The following STX1B variants were observed in gnomAD, a reference collection of about 807,000 sequenced individuals.
The protein encoded by STX1B is syntaxin-1B.
In STX1B, 7 loss-of-function variants were observed where a neutral mutation model predicts 39.4. The observed-to-expected ratio is 0.18, with a 90% confidence interval of 0.10 to 0.33. STX1B has a LOEUF of 0.33. Among genes scored for constraint, STX1B ranks in the 10% least tolerant of loss-of-function variants. STX1B has a pLI of 1.00. For synonymous variants in STX1B, 136 were observed against 144.1 expected (o/e 0.94, Z 0.40); for missense variants, 198 against 383.2 (o/e 0.52, Z 4.04).
chr16:31,005,797 G>A (rs1201114515), intron 1 of STX1B, among the ~76,000 whole-genome samples: 2 of 152,190 alleles, frequency 1.3e-5, no homozygotes, highest in African/African-American at 2.4e-5. Context: ...GGGATTGAAT[G>A]AGAGAGTGCA....
intron 1 of STX1B, among the ~76,000 whole-genome samples, chr16:31,007,592 G>A (rs768951222): frequency 5.3e-5 from 8 of 152,186 alleles, no homozygotes; most frequent in Non-Finnish European, 8.8e-5. Context: ...TAAACTGGAC[G>A]CAGAAAACCC....
rs1388329705 is a variant in STX1B, at chr16:31,001,685, C to G, written c.31-82G>C. 30 of 1,091,462 alleles carry G rather than the reference C, an allele frequency of 2.7e-5. No homozygotes were observed. Among genetic ancestry groups the G allele is most frequent in the Non-Finnish European group, 1.4e-6 (1 of 736,058 alleles). 67.6% of individuals were successfully genotyped at this position (1,091,462 alleles called of 1,614,324 possible). A position where few individuals can be genotyped will look rare whatever the true frequency, so the allele number is the denominator to read the frequency against. ...GCTCTCCAGCTCTCCCACCCTCTCC[C>G]TGCTATGCACACACAGGTGCTCCCA... On this transcript the variant is annotated intron_variant, in intron 1 of 9. Transcript: ENST00000215095. This position sits in a 1 kb window ranked among gnomAD's most constrained non-coding sequence, Gnocchi z 5.5.
Position 31,001,740 on chromosome 16 carries a change from G to C in STX1B, c.31-137C>G. On this transcript the variant is annotated intron_variant, in intron 1 of 9. Coordinates refer to ENST00000215095, the MANE Select transcript of STX1B (RefSeq NM_052874.5). The surrounding 1 kb of genome is among the most constrained non-coding windows in gnomAD (Gnocchi z 5.5). ...TAGGCTCAGAGGAGGGGTCCTGGGAGGGGTCCCATGCAGGGTAGATGGCAA... is the reference window on the plus strand; with the variant it reads ...TAGGCTCAGAGGAGGGGTCCTGGGACGGGTCCCATGCAGGGTAGATGGCAA... 1 of 646,340 alleles carries C rather than the reference G, an allele frequency of 1.5e-6. No individual in the cohort carries two copies. The highest frequency in any genetic ancestry group is 2.7e-6 in the Non-Finnish European group (1 of 377,118). 40.0% of individuals were successfully genotyped at this position (646,340 alleles called of 1,614,324 possible). A position where few individuals can be genotyped will look rare whatever the true frequency, so the allele number is the denominator to read the frequency against.
intron 4 of STX1B, among the ~76,000 whole-genome samples, chr16:31,000,332 G>GTTTTTTTTTT (rs55729102): frequency 2.4e-5 from 3 of 123,384 alleles, no homozygotes; most frequent in African/African-American, 3.0e-5. Flanking sequence ...TTTGTTTTTT[G>GTTTTTTTTTT]TTTTTTTTTT....
chr16:31,001,113 G>A lies in STX1B; in HGVS notation c.186C>T (p.Ala62=), dbSNP rs749799050. 17 of 1,613,940 alleles carry A rather than the reference G, an allele frequency of 1.1e-5. No homozygotes were observed. The highest frequency in any genetic ancestry group is 3.3e-5 in the South Asian group (3 of 91,072). ...ACTCACTCTCATCTGGGTTGGGTGC[G>A]GCCAGGATGGCGCTATGCTGTTTTT... ...QVKKQHSAIL[A]APNPDEKTKQ... The change falls in exon 3 of 10, where the codon GCC becomes GCT. Residue 62 remains alanine (A), a synonymous_variant. Transcript: ENST00000215095. This position sits in a 1 kb window ranked among gnomAD's most constrained non-coding sequence, Gnocchi z 5.5.
chr16:31,001,711 G>T lies in STX1B; in HGVS notation c.31-108C>A. ...TGCTATGCACACACAGGTGCTCCCA[G>T]CTCTAGGCTCAGAGGAGGGGTCCTG... is the stretch of plus-strand genomic sequence containing the variant. On this transcript the variant is annotated intron_variant, in intron 1 of 9. Transcript: ENST00000215095. The surrounding 1 kb of genome is among the most constrained non-coding windows in gnomAD (Gnocchi z 5.5). 1 of 825,950 alleles carries T rather than the reference G, an allele frequency of 1.2e-6. No homozygotes were observed. Among genetic ancestry groups the T allele is most frequent in the Non-Finnish European group, 1.9e-6 (1 of 524,336 alleles). The allele number at this position is 825,950 out of a possible 1,614,324, so 51.2% of individuals were successfully genotyped here.
intron 1 of STX1B, among the ~76,000 whole-genome samples, chr16:31,002,224 A>C (rs548242278): frequency 1.4e-5 from 2 of 146,382 alleles, no homozygotes; most frequent in Non-Finnish European, 3.0e-5. Context: ...CTCGCAGTGG[A>C]TTCACTTGCT....
intron 7 of STX1B, chr16:30,996,469 T>C (rs2056592455): frequency 1.9e-6 from 1 of 535,610 alleles, no homozygotes; most frequent in Non-Finnish European, 3.3e-6. Context: ...AATGTGAAGA[T>C]GGAAAGTGCT....
rs552249127 is a variant in STX1B at position 30,994,832 on chromosome 16, T to C, written c.538-1348A>G. 5.3e-5 allele frequency among the ~76,000 whole-genome samples: 8 copies of C among 150,716 alleles called. 1 individual carries two copies. In the South Asian group the frequency reaches 1.7e-3, roughly 32 times the overall value. On this transcript the variant is annotated intron_variant, in intron 7 of 9. Coordinates refer to ENST00000215095, the MANE Select transcript of STX1B (RefSeq NM_052874.5). ...CTCCCCTCATCTCCTGCTCATCCTA[T>C]GACCATTCTATAAGCCGAAATCATA...
intron 5 of STX1B, 104 bp from the exon 6 acceptor site, chr16:30,997,163 G>T: frequency 1.3e-6 from 1 of 743,224 alleles, no homozygotes; most frequent in South Asian, 1.5e-5. Context: ...GTGCATGGGC[G>T]GAATAAGGAG....
At chr16:31,009,358 C>T (rs1465070586) in intron 1 of STX1B, among the ~76,000 whole-genome samples, 1 of 152,072 alleles carries the variant, frequency 6.6e-6, no homozygotes, top group African/African-American at 2.4e-5. Flanking sequence ...GTAATAACCC[C>T]TGGGGTAACA....
chr16:31,009,882 A>G (rs189291300), intron 1 of STX1B, among the ~76,000 whole-genome samples: 23 of 151,612 alleles, frequency 1.5e-4, no homozygotes, highest in Middle Eastern at 3.4e-3. Context: ...ACGCGTGTGC[A>G]CACACACACA....
intron 1 of STX1B, among the ~76,000 whole-genome samples, chr16:31,004,452 T>C (rs1314624973): frequency 6.6e-6 from 1 of 152,098 alleles, no homozygotes; most frequent in Non-Finnish European, 1.5e-5. Flanking sequence ...GGTGGGAGGA[T>C]CACTTGAACC....
Position 31,001,606 on chromosome 16 carries a change from G to A in STX1B, c.31-3C>T, listed in dbSNP as rs1439290621. The A allele has an allele frequency of 6.2e-7, 1 of 1,612,468 alleles. No homozygotes were observed. The highest frequency in any genetic ancestry group is 1.3e-5 in the African/African-American group (1 of 75,026). On this transcript the variant is annotated splice_polypyrimidine_tract_variant and splice_region_variant and intron_variant, in intron 1 of 9. Coordinates refer to ENST00000215095, the MANE Select transcript of STX1B (RefSeq NM_052874.5). This position sits in a 1 kb window ranked among gnomAD's most constrained non-coding sequence, Gnocchi z 5.5. The stretch of plus-strand genomic sequence containing the variant: ...TCTTCATCATCACTGTCTTTCGCCT[G>A]GGGACAAGGAAGGCTGAGTCCATGA...
intron 1 of STX1B, 23 bp downstream of exon 1, chr16:31,010,344 A>G (rs1465644513): frequency 4.5e-6 from 1 of 224,708 alleles, no homozygotes; most frequent in East Asian, 1.0e-4. Context: ...CCGCCCCCCC[A>G]TTCTCCCCAC....
Position 31,000,158 on chromosome 16 carries a change from C to T in STX1B, c.280+770G>A, listed in dbSNP as rs142106648. Among the ~76,000 whole-genome samples, 521 of 151,382 alleles carry T rather than the reference C, an allele frequency of 3.4e-3. 14 individuals carry two copies. The East Asian group carries it at 0.036, about 10-fold the overall frequency. On this transcript the variant is annotated intron_variant, in intron 4 of 9. Coordinates refer to ENST00000215095, the MANE Select transcript of STX1B (RefSeq NM_052874.5). ...GATTACAGGCGCCTGCCACCATGCCCGGATAATTTTTGTATTTTTAGTACA... is the reference window on the plus strand; with the variant it reads ...GATTACAGGCGCCTGCCACCATGCCTGGATAATTTTTGTATTTTTAGTACA...
intron 7 of STX1B, among the ~76,000 whole-genome samples, chr16:30,995,493 CTTTTTT>C (rs535108190): frequency 1.4e-5 from 2 of 143,788 alleles, no homozygotes; most frequent in Non-Finnish European, 3.1e-5. Context: ...TCCTTTCTTT[CTTTTTT>C]TTTTTTTTAA....
rs968184780 is a variant in STX1B at position 30,989,438 on chromosome 16, G to A, written c.*3383C>T. 6 of 151,878 alleles carry A rather than the reference G, an allele frequency of 4.0e-5. No individual in the cohort carries two copies. Among genetic ancestry groups the A allele is most frequent in the African/African-American group, 1.4e-4 (6 of 41,484 alleles). 9.4% of individuals were successfully genotyped at this position (151,878 alleles called of 1,614,324 possible). Reference sequence around the variant, plus strand: ...GGACTCTGAGGGCTAACAGAAATGGGACTCTGAGGGCTAACAGGAGAGGGC... The same window carrying A: ...GGACTCTGAGGGCTAACAGAAATGGAACTCTGAGGGCTAACAGGAGAGGGC... On this transcript the variant is annotated 3_prime_UTR_variant, in exon 10 of 10. Transcript: ENST00000215095.
chr16:30,998,884 G>A (rs1421296971), intron 4 of STX1B, among the ~76,000 whole-genome samples: 2 of 152,180 alleles, frequency 1.3e-5, no homozygotes, highest in African/African-American at 4.8e-5. Context: ...ACTGCCAGCA[G>A]GAACCTTGTT....
Sources: gnomAD v4.1 joint callset for allele counts (sites outside exome capture counted in the v4.1 genomes callset) on GRCh38, gnomAD v4.1.1 for gene constraint, Gnocchi (gnomAD v3.1) non-coding constraint, MANE v1.5 for transcripts, NCBI Gene and HGNC (gene_info 2026-07-23, HGNC 2026-07-21) for gene names.